FILIP1L: variants seen among roughly 807,000 people sequenced by gnomAD.
FILIP1L encodes filamin A-interacting protein 1-like.
In FILIP1L, 55 loss-of-function variants were observed where a neutral mutation model predicts 96.6. The observed-to-expected ratio is 0.57, with a 90% confidence interval of 0.46 to 0.71. The LOEUF (loss-of-function observed/expected upper bound fraction) is 0.71, where lower values mean the gene tolerates loss of function less well. FILIP1L is among the 30% of genes least tolerant of loss of function. FILIP1L has a pLI of 0.00. For missense variants in FILIP1L, 1,304 were observed against 1,321.2 expected, an observed-to-expected ratio of 0.99 and a Z score of 0.20; for synonymous variants, 467 against 473.9, an observed-to-expected ratio of 0.99 and a Z score of 0.19.
At chr3:99,987,602 A>G (rs1709383307) in intron 1 of FILIP1L, among the ~76,000 whole-genome samples, 1 of 152,024 alleles carries the variant, frequency 6.6e-6, no homozygotes, top group Non-Finnish European at 1.5e-5. Context: ...GGGAGTTTGA[A>G]CCCTCTGGCC....
chr3:99,941,071 A>G (rs1303189532), intron 1 of FILIP1L, among the ~76,000 whole-genome samples: 1 of 152,262 alleles, frequency 6.6e-6, no homozygotes, highest in Non-Finnish European at 1.5e-5. Flanking sequence ...CCTCTGAAGC[A>G]TATAAGTTTA....
chr3:99,889,947 G>T (rs1471394933), intron 4 of FILIP1L, among the ~76,000 whole-genome samples: 2 of 151,860 alleles, frequency 1.3e-5, no homozygotes, highest in Non-Finnish European at 2.9e-5. Flanking sequence ...GCAATTATTG[G>T]TTTAGATATA....
intron 1 of FILIP1L, among the ~76,000 whole-genome samples, chr3:99,990,215 G>C (rs1405433098): frequency 6.6e-6 from 1 of 152,064 alleles, no homozygotes; most frequent in African/African-American, 2.4e-5. Flanking sequence ...CTGGGTGGTA[G>C]AGAGGGTAGT....
chr3:100,013,742 T>A (rs1039898703), intron 1 of FILIP1L, among the ~76,000 whole-genome samples: 1 of 152,230 alleles, frequency 6.6e-6, no homozygotes, highest in Non-Finnish European at 1.5e-5. Flanking sequence ...TACAATGCAA[T>A]GTTTGATGTA....
chr3:99,992,879 A>C (rs572685522), intron 1 of FILIP1L, among the ~76,000 whole-genome samples: 2 of 152,206 alleles, frequency 1.3e-5, no homozygotes, highest in South Asian at 4.1e-4. Flanking sequence ...ATTCTTTTGC[A>C]TGTGACTATC....
chr3:99,934,127 A>G (rs1358883410), intron 1 of FILIP1L, among the ~76,000 whole-genome samples: 1 of 152,248 alleles, frequency 6.6e-6, no homozygotes, highest in African/African-American at 2.4e-5. Context: ...TGGTGGTCTC[A>G]GGATAACATT....
intron 1 of FILIP1L, among the ~76,000 whole-genome samples, chr3:99,987,569 G>A (rs938598626): frequency 6.7e-6 from 1 of 149,186 alleles, no homozygotes; most frequent in Non-Finnish European, 1.5e-5. Context: ...AAATATTTAA[G>A]TGCAAGAGAT....
intron 1 of FILIP1L, among the ~76,000 whole-genome samples, chr3:100,024,771 G>T (rs1356791080): frequency 2.0e-5 from 3 of 152,096 alleles, no homozygotes; most frequent in Non-Finnish European, 4.4e-5. Context: ...AGTTACGGAG[G>T]CTTCTGAATC....
intron 1 of FILIP1L, among the ~76,000 whole-genome samples, chr3:99,987,904 G>A (rs992695833): frequency 6.6e-6 from 1 of 152,178 alleles, no homozygotes; most frequent in African/African-American, 2.4e-5. Context: ...GAACAGAGCT[G>A]CCAGTCTCTC....
intron 5 of FILIP1L, among the ~76,000 whole-genome samples, chr3:99,835,074 C>T (rs1942841781): frequency 6.6e-6 from 1 of 152,182 alleles, no homozygotes; most frequent in Non-Finnish European, 1.5e-5. Context: ...ATAATCCTAA[C>T]TTCTTTGATT....
intron 1 of FILIP1L, among the ~76,000 whole-genome samples, chr3:100,028,952 A>G (rs1259715417): frequency 6.6e-6 from 1 of 152,146 alleles, no homozygotes; most frequent in Non-Finnish European, 1.5e-5. Context: ...TATCCTGTTG[A>G]TGTTTTACAA....
chr3:100,031,107 T>TA (rs2065015173), intron 1 of FILIP1L, among the ~76,000 whole-genome samples: 1 of 152,196 alleles, frequency 6.6e-6, no homozygotes, highest in African/African-American at 2.4e-5. Flanking sequence ...TTTTTTCTGC[T>TA]ATAATTTAGA....
intron 1 of FILIP1L, among the ~76,000 whole-genome samples, chr3:99,979,235 A>G (rs1020661592): frequency 6.6e-6 from 1 of 152,192 alleles, no homozygotes; most frequent in African/African-American, 2.4e-5. Context: ...AAATAAATAA[A>G]TTTTCAAAAA....
intron 1 of FILIP1L, among the ~76,000 whole-genome samples, chr3:99,983,389 A>AATATGTATATATATATATATATATAT (rs1553702701): frequency 2.5e-5 from 1 of 40,788 alleles, no homozygotes; most frequent in Non-Finnish European, 4.5e-5. Context: ...TAAATAAATA[A>AATATGTATATATATATATATATATAT]ATATATATAT....
At chr3:99,904,392 T>G (rs1221188007) in intron 4 of FILIP1L, among the ~76,000 whole-genome samples, 2 of 152,230 alleles carry the variant, frequency 1.3e-5, no homozygotes, top group African/African-American at 4.8e-5. Flanking sequence ...CAAAAATTTA[T>G]TTGGTTTCTA....
intron 1 of FILIP1L, among the ~76,000 whole-genome samples, chr3:100,076,578 T>A (rs909648949): frequency 1.3e-5 from 2 of 152,250 alleles, no homozygotes; most frequent in Admixed American, 1.3e-4. Context: ...CCCCACTGAA[T>A]GTCAGTCTTC....
At chr3:99,904,461 TA>T (rs1706546021) in intron 4 of FILIP1L, among the ~76,000 whole-genome samples, 1 of 152,232 alleles carries the variant, frequency 6.6e-6, no homozygotes, top group African/African-American at 2.4e-5. Context: ...TAGAGCTTTT[TA>T]AAAATATATT....
At chr3:99,842,998 G>A (rs1943202879) in intron 5 of FILIP1L, among the ~76,000 whole-genome samples, 1 of 152,200 alleles carries the variant, frequency 6.6e-6, no homozygotes, top group African/African-American at 2.4e-5. Flanking sequence ...GTACCTTGAG[G>A]AATGGAAAGG....
At chr3:100,102,559 C>T (rs562421569) in intron 1 of FILIP1L, among the ~76,000 whole-genome samples, 121 of 152,116 alleles carry the variant, frequency 8.0e-4, no homozygotes, top group Non-Finnish European at 1.3e-3. Context: ...TTTTATATTC[C>T]ATATTGTTTT....
Sources: gnomAD v4.1 joint callset for allele counts (sites outside exome capture counted in the v4.1 genomes callset) on GRCh38, gnomAD v4.1.1 for gene constraint, MANE v1.5 for transcripts, NCBI Gene and HGNC (gene_info 2026-07-23, HGNC 2026-07-21) for gene names.